The following RELCH variants were observed in gnomAD, a reference collection of about 807,000 sequenced individuals.
The protein encoded by RELCH is RAB11 binding and LisH domain, coiled-coil and HEAT repeat containing.
RELCH carries 41 observed loss-of-function variants against 150.3 expected under a neutral mutation model. The observed-to-expected ratio is 0.27, with a 90% CI of 0.21 to 0.35. The LOEUF is 0.35. RELCH is among the 10% of genes least tolerant of loss of function. The pLI is 1.00. For synonymous variants in RELCH, 478 were observed against 531.8 expected (o/e 0.90, Z 1.39); for missense variants, 1,092 against 1,467.8 (o/e 0.74, Z 4.18).
At chr18:62,282,180 T>G (rs1299696543) in intron 24 of RELCH, 126 bp from the exon 25 acceptor site, 1 of 624,176 alleles carries the variant, frequency 1.6e-6, no homozygotes, top group African/African-American at 1.9e-5. Flanking sequence ...AAATTTCTAC[T>G]GTCATTGGAC....
chr18:62,299,235 A>G (rs1472964533), intron 28 of RELCH, among the ~76,000 whole-genome samples: 1 of 152,236 alleles, frequency 6.6e-6, no homozygotes, highest in Non-Finnish European at 1.5e-5. Context: ...GTACTGCATA[A>G]AGGACTATCA....
At chr18:62,264,924 G>T in intron 18 of RELCH, 72 bp downstream of exon 18, 3 of 1,200,228 alleles carry the variant, frequency 2.5e-6, no homozygotes, top group South Asian at 1.6e-5. Flanking sequence ...ACTGTAACAG[G>T]GTAAATAAAA....
intron 9 of RELCH, among the ~76,000 whole-genome samples, chr18:62,231,739 G>T (rs544995473): frequency 6.6e-6 from 1 of 151,922 alleles, no homozygotes; most frequent in Non-Finnish European, 1.5e-5. Context: ...TATTATTACT[G>T]TTTTTTCTTA....
chr18:62,273,843 T>C (rs2044044636), intron 20 of RELCH, 137 bp from the exon 21 acceptor site: 3 of 596,114 alleles, frequency 5.0e-6, no homozygotes, highest in East Asian at 2.9e-5. Context: ...TTAATAAATA[T>C]CTTTTAATTA....
At chr18:62,193,758 G>A (rs769778216) in intron 1 of RELCH, among the ~76,000 whole-genome samples, 18 of 152,106 alleles carry the variant, frequency 1.2e-4, no homozygotes, top group Non-Finnish European at 2.4e-4. Flanking sequence ...TGCTGGCTTC[G>A]ATTTGCCAGT....
At chr18:62,251,065 A>C (rs1352592787) in intron 11 of RELCH, among the ~76,000 whole-genome samples, 2 of 152,092 alleles carry the variant, frequency 1.3e-5, no homozygotes, top group African/African-American at 2.4e-5. Context: ...CTTACTTAGA[A>C]TTTTATGTTT....
intron 26 of RELCH, among the ~76,000 whole-genome samples, chr18:62,290,952 T>C (rs2045099112): frequency 1.3e-5 from 2 of 152,240 alleles, no homozygotes; most frequent in African/African-American, 2.4e-5. Flanking sequence ...TGTGTGAATC[T>C]GTTGATTATA....
At chr18:62,244,330 A>G (rs932917354) in intron 10 of RELCH, among the ~76,000 whole-genome samples, 11 of 152,252 alleles carry the variant, frequency 7.2e-5, no homozygotes, top group African/African-American at 2.6e-4. Context: ...AGGACATTAT[A>G]TTGTCCTTAC....
At chr18:62,253,304 TGTG>T (rs1488537785) in intron 12 of RELCH, among the ~76,000 whole-genome samples, 3 of 138,486 alleles carry the variant, frequency 2.2e-5, no homozygotes, top group African/African-American at 9.1e-5. Context: ...TGTGTGTGTG[TGTG>T]TGTGTAAATA....
At chr18:62,198,619 T>C (rs772569584) in intron 1 of RELCH, among the ~76,000 whole-genome samples, 25 of 152,188 alleles carry the variant, frequency 1.6e-4, no homozygotes, top group Non-Finnish European at 3.7e-4. Context: ...AGCTCACATT[T>C]GTACCATCAG....
chr18:62,255,532 C>T lies in RELCH; in HGVS notation c.1896+54C>T, dbSNP rs529888965. On this transcript the variant is annotated intron_variant, in intron 13 of 28. Coordinates refer to ENST00000644646, the MANE Select transcript of RELCH (RefSeq NM_001346231.2). Reference sequence around the variant, plus strand: ...ACTATTTTTCCAATAATAGAAAAACCTTTTTTTGAGTGTCTTATAGATTTT... The same window carrying T: ...ACTATTTTTCCAATAATAGAAAAACTTTTTTTTGAGTGTCTTATAGATTTT... The T allele has an allele frequency of 1.1e-5, 14 of 1,305,864 alleles. 1 individual carries two copies. In the South Asian group the frequency reaches 1.7e-4, roughly 15 times the overall value. The allele number at this position is 1,305,864 out of a possible 1,614,324, so 80.9% of individuals were successfully genotyped here.
chr18:62,288,028 G>A (rs774257906), intron 26 of RELCH, among the ~76,000 whole-genome samples: 3 of 152,072 alleles, frequency 2.0e-5, no homozygotes, highest in Non-Finnish European at 4.4e-5. Context: ...TTAAAGACAT[G>A]AATGCCTTCT....
chr18:62,300,321 A>T (rs1048843794), intron 28 of RELCH: 8 of 152,206 alleles, frequency 5.3e-5, no homozygotes, highest in African/African-American at 1.2e-4. Context: ...GTCTGCCAGG[A>T]GTATTCTTAC....
chr18:62,282,343 TG>T lies in RELCH; in HGVS notation c.3154del (p.Glu1052LysfsTer16). The stretch of plus-strand genomic sequence containing the variant: ...GTGAAAATGCAGTTGGCTTCTTTCC[TG>T]GAAGATCCTCAGTATCAAGACCAAC... ...ERVKMQLASF[L>X]EDPQYQDQHS... is the part of the protein sequence containing the mutation. On this transcript the variant is annotated frameshift_variant, in exon 25 of 29. Transcript: ENST00000644646. LOFTEE classifies it high-confidence loss of function. The T allele has an allele frequency of 6.2e-7, 1 of 1,613,250 alleles. No homozygotes were observed. Among genetic ancestry groups the T allele is most frequent in the Non-Finnish European group, 8.5e-7 (1 of 1,179,424 alleles).
chr18:62,187,774 C>A lies in RELCH; in HGVS notation c.269C>A (p.Ala90Asp), dbSNP rs780465096. 1 of 1,608,454 alleles carries A rather than the reference C, an allele frequency of 6.2e-7. No individual in the cohort carries two copies. Among genetic ancestry groups the A allele is most frequent in the Non-Finnish European group, 8.5e-7 (1 of 1,177,312 alleles). ...CTGGGGGGCACCGGGGAGACCCCGG[C>A]CCGATTATCAATTGATGCGATCGCT... ...VALGGTGETP[A>D]RLSIDAIAAQ... The change falls in exon 1 of 29, where the codon GCC becomes GAC. Residue 90 changes from alanine to aspartate, a missense_variant. Transcript: ENST00000644646.
At chr18:62,255,578 G>A (rs779746311) in intron 13 of RELCH, 100 bp downstream of exon 13, 4 of 818,174 alleles carry the variant, frequency 4.9e-6, no homozygotes, top group Non-Finnish European at 7.8e-6. Flanking sequence ...TCTCCTAGAT[G>A]TGCTGTCTTA....
chr18:62,229,474 T>C (rs1299217175), intron 8 of RELCH, among the ~76,000 whole-genome samples: 1 of 141,556 alleles, frequency 7.1e-6, no homozygotes, highest in Non-Finnish European at 1.5e-5. Flanking sequence ...GCTTCTTCTG[T>C]GTATAGTAGG....
At chr18:62,253,844 C>CAG (rs1241594784) in intron 12 of RELCH, among the ~76,000 whole-genome samples, 1 of 152,128 alleles carries the variant, frequency 6.6e-6, no homozygotes, top group Non-Finnish European at 1.5e-5. Flanking sequence ...AACTTGGGTA[C>CAG]AATATATCCA....
At position 62,273,989 on chromosome 18, in the gene RELCH, C is replaced by T. The variant is rs2044052842; in HGVS notation, c.2770C>T (p.Arg924Ter). The T allele has an allele frequency of 6.2e-7, 1 of 1,608,020 alleles. No homozygotes were observed. Among genetic ancestry groups the T allele is most frequent in the South Asian group, 1.1e-5 (1 of 90,782 alleles). Residue 924 changes from arginine (R) to a stop codon, truncating the protein, a stop_gained, in exon 21 of 29, where the codon CGA becomes TGA. Transcript: ENST00000644646. LOFTEE classifies it high-confidence loss of function. ...TATTTTTCCTCTGTAGGAAGAAGAC[C>T]GAAAACTGTTAGTTGGATTCTTAGA... ...VLTCYIQEED[R>*]KLLVGFLEDV...
Sources: allele counts gnomAD v4.1 joint callset (sites outside exome capture counted in the v4.1 genomes callset), GRCh38; gene constraint gnomAD v4.1.1; transcripts MANE v1.5; gene names NCBI Gene and HGNC (gene_info 2026-07-23, HGNC 2026-07-21).